GATA2: variants seen among roughly 807,000 people sequenced by gnomAD.
The protein encoded by GATA2 is GATA binding protein 2.
In GATA2, 6 loss-of-function variants were observed where a neutral mutation model predicts 35.7. That is an observed-to-expected ratio of 0.17 (90% CI 0.09 to 0.33). GATA2 has a LOEUF of 0.33. Among genes scored for constraint, GATA2 ranks in the 10% least tolerant of loss-of-function variants. GATA2 has a pLI of 1.00. For missense variants in GATA2, 541 were observed against 656.6 expected (o/e 0.82, Z 1.92); for synonymous variants, 313 against 274.9 (o/e 1.14, Z -1.37).
chr3:128,492,166 G>T (rs1255846070), intron 1 of GATA2: 2 of 152,212 alleles, frequency 1.3e-5, no homozygotes, highest in African/African-American at 4.8e-5. Flanking sequence ...CGCCACACAC[G>T]GGGTCCCTGA....
intron 1 of GATA2, among the ~76,000 whole-genome samples, chr3:128,492,693 G>A (rs1348366638): frequency 6.6e-6 from 1 of 152,230 alleles, no homozygotes; most frequent in Non-Finnish European, 1.5e-5. Flanking sequence ...CAAGAGGCCC[G>A]AGGCGGGCCT....
At position 128,491,208 on chromosome 3, in the gene GATA2, G is replaced by GC. The variant is rs373070119; in HGVS notation, c.-46+1690dup. ...ATGCCCAGGTCTCCCCGGCCGTCCA[G>GC]CCCCCCCCCCCCTCTGAGCCCTTTG... On this transcript the variant is annotated intron_variant, in intron 1 of 5. Coordinates refer to ENST00000341105, the MANE Select transcript of GATA2 (RefSeq NM_032638.5). Among the ~76,000 whole-genome samples, 497 of 107,124 alleles carry GC rather than the reference G, an allele frequency of 4.6e-3. 24 individuals are homozygous for GC. Among genetic ancestry groups the GC allele is most frequent in the African/African-American group, 0.011 (255 of 24,134 alleles). 70.3% of individuals were successfully genotyped at this position (107,124 alleles called of 152,430 possible). A position where few individuals can be genotyped will look rare whatever the true frequency, so the allele number is the denominator to read the frequency against.
chr3:128,486,510 C>T (rs781000258), intron 2 of GATA2, 142 bp from the exon 3 acceptor site: 4 of 1,059,406 alleles, frequency 3.8e-6, no homozygotes, highest in East Asian at 2.6e-5. Flanking sequence ...AACATAATAC[C>T]CCACCGGTAA....
chr3:128,490,369 G>A (rs1247304593), intron 1 of GATA2: 1 of 152,304 alleles, frequency 6.6e-6, no homozygotes, highest in African/African-American at 2.4e-5. Flanking sequence ...GCTTGAGCAG[G>A]GGCCTCGGGA....
rs904255961 is a variant in GATA2, at chr3:128,480,202, G to A, written c.*817C>T. 1.7e-5 allele frequency: 4 copies of A among 233,136 alleles called. No individual in the cohort carries two copies. The highest frequency in any genetic ancestry group is 6.6e-5 in the African/African-American group (3 of 45,308). The allele number at this position is 233,136 out of a possible 1,614,324, so 14.4% of individuals were successfully genotyped here. A position where few individuals can be genotyped will look rare whatever the true frequency, so the allele number is the denominator to read the frequency against. The stretch of plus-strand genomic sequence containing the variant: ...TTTTGTCTCAGAGTAGGAGGCGAGG[G>A]GGTTGAAGGGTTAGCAGAAAAAGGA... On this transcript the variant is annotated 3_prime_UTR_variant, in exon 6 of 6. Coordinates refer to ENST00000341105, the MANE Select transcript of GATA2 (RefSeq NM_032638.5).
intron 4 of GATA2, 51 bp from the exon 5 acceptor site, chr3:128,481,995 C>A (rs763998854): frequency 2.5e-6 from 4 of 1,604,942 alleles, no homozygotes; most frequent in East Asian, 2.2e-5. Flanking sequence ...CCCACCTCGA[C>A]CCCCCTCCCT....
chr3:128,481,951 G>C lies in GATA2; in HGVS notation c.1018-7C>G. The C allele has an allele frequency of 1.2e-6, 2 of 1,612,928 alleles. No individual in the cohort carries two copies. Among genetic ancestry groups the C allele is most frequent in the South Asian group, 2.2e-5 (2 of 91,078 alleles). ...CGGCTCTTCTGGCGGCCGACTGGGA[G>C]GGCAAGGCAGCGTCAGCAGGCTGGA... On this transcript the variant is annotated splice_region_variant and splice_polypyrimidine_tract_variant and intron_variant, in intron 4 of 5. Transcript: ENST00000341105.
At chr3:128,482,064 G>T in intron 4 of GATA2, 120 bp from the exon 5 acceptor site, 2 of 1,253,616 alleles carry the variant, frequency 1.6e-6, no homozygotes, top group Non-Finnish European at 2.2e-6. Context: ...AATCTCACAT[G>T]GGAATCAAAG....
intron 2 of GATA2, 127 bp downstream of exon 2, chr3:128,486,675 CG>C: frequency 9.7e-7 from 1 of 1,034,592 alleles, no homozygotes; most frequent in Non-Finnish European, 1.4e-6. Context: ...CCACCTCTCC[CG>C]CCCCAATTTT....
intron 5 of GATA2, 40 bp downstream of exon 5, chr3:128,481,779 C>T (rs918388129): frequency 1.5e-5 from 24 of 1,601,792 alleles, no homozygotes; most frequent in Non-Finnish European, 1.9e-5. Flanking sequence ...CGCAGAGGTC[C>T]CCTGGGAGGG....
Position 128,480,982 on chromosome 3 carries a change from T to A in GATA2, c.*37A>T. On this transcript the variant is annotated 3_prime_UTR_variant, in exon 6 of 6. Transcript: ENST00000341105. Reference sequence around the variant, plus strand: ...GGCTGCTAAGGGTTTGGTCCACCCATCCCGGGAGTGCCCGGTCCTCGACGT... The same window carrying A: ...GGCTGCTAAGGGTTTGGTCCACCCAACCCGGGAGTGCCCGGTCCTCGACGT... 2 of 1,513,092 alleles carry A rather than the reference T, an allele frequency of 1.3e-6. No individual in the cohort carries two copies. The highest frequency in any genetic ancestry group is 1.8e-6 in the Non-Finnish European group (2 of 1,129,086). The allele number at this position is 1,513,092 out of a possible 1,614,324, so 93.7% of individuals were successfully genotyped here. A position where few individuals can be genotyped will look rare whatever the true frequency, so the allele number is the denominator to read the frequency against.
intron 1 of GATA2, 55 bp from the exon 2 acceptor site, chr3:128,487,131 T>C: frequency 1.0e-6 from 1 of 1,001,724 alleles, no homozygotes; most frequent in East Asian, 2.7e-5. Context: ...CCCCCCAAAG[T>C]CCCACCACGA....
Position 128,481,253 on chromosome 3 carries a change from C to T in GATA2, c.1209G>A (p.Lys403=), listed in dbSNP as rs2068624570. 6.2e-7 allele frequency: 1 copy of T among 1,614,234 alleles called. No individual in the cohort carries two copies. The highest frequency in any genetic ancestry group is 2.2e-5 in the East Asian group (1 of 44,882). Residue 403 remains lysine (K), a synonymous_variant, in exon 6 of 6, where the codon AAG becomes AAA. Transcript: ENST00000341105. The stretch of plus-strand genomic sequence containing the variant: ...CCGCCCCTTTCTTGCTCTTCTTGGA[C>T]TTGTTGGACATCTTCCGGTTCCGAG... ...IQTRNRKMSN[K]SKKSKKGAEC... is the part of the protein sequence containing the mutation.
chr3:128,484,636 G>C lies in GATA2; in HGVS notation c.872-631C>G, dbSNP rs534491855. Among the ~76,000 whole-genome samples the C allele has an allele frequency of 8.5e-4, 121 of 142,000 alleles. 1 individual carries two copies. Among genetic ancestry groups the C allele is most frequent in the Middle Eastern group, 7.4e-3 (2 of 272 alleles). 93.2% of individuals were successfully genotyped at this position (142,000 alleles called of 152,430 possible). On this transcript the variant is annotated intron_variant, in intron 3 of 5. Coordinates refer to ENST00000341105, the MANE Select transcript of GATA2 (RefSeq NM_032638.5). ...TTTCTTTTTTAGATAAGTGGCCTGGGTTTTTTTTGTTTGTATTTTTTTTTT... is the reference window on the plus strand; with the variant it reads ...TTTCTTTTTTAGATAAGTGGCCTGGCTTTTTTTTGTTTGTATTTTTTTTTT...
At chr3:128,487,151 C>A (rs2068714414) in intron 1 of GATA2, 75 bp from the exon 2 acceptor site, 1 of 794,440 alleles carries the variant, frequency 1.3e-6, no homozygotes, top group East Asian at 2.8e-5. Context: ...AGGTGTCCCG[C>A]ACGCCACGGA....
At position 128,483,989 on chromosome 3, in the gene GATA2, G is replaced by A. The variant is rs574218913; in HGVS notation, c.888C>T (p.Val296=). The change falls in exon 4 of 6, where the codon GTC becomes GTT. Residue 296 remains valine, a synonymous_variant. Coordinates refer to ENST00000341105, the MANE Select transcript of GATA2 (RefSeq NM_032638.5). ...ARSCSEGREC[V]NCGATATPLW... ...GAGGGGTGGCTGTGGCCCCACAGTT[G>A]ACACACTCCCGGCCTTCTGCAGGGG... 21 of 1,613,812 alleles carry A rather than the reference G, an allele frequency of 1.3e-5. No individual in the cohort carries two copies. In the Admixed American group the frequency reaches 3.5e-4, roughly 27 times the overall value.
In GATA2 at chr3:128,483,787, G is replaced by GT. The variant is rs974134540; in HGVS notation, c.1017+72dup. The GT allele has an allele frequency of 3.1e-6, 5 of 1,600,150 alleles. No individual in the cohort carries two copies. In the African/African-American group the frequency reaches 4.0e-5, roughly 13 times the overall value. ...CGGCAAAGCGTCTGCATTTGAAGGA[G>GT]TTTTTTTCCCCTGTAATTAACCGCC... On this transcript the variant is annotated intron_variant, in intron 4 of 5. Transcript: ENST00000341105.
intron 4 of GATA2, among the ~76,000 whole-genome samples, chr3:128,482,918 G>A (rs62270944): frequency 1.3e-5 from 2 of 152,260 alleles, no homozygotes; most frequent in African/African-American, 4.8e-5. Flanking sequence ...GGGGCTGGGG[G>A]CTGAGGCCTG....
intron 4 of GATA2, among the ~76,000 whole-genome samples, chr3:128,482,874 C>A (rs1330886640): frequency 6.6e-6 from 1 of 152,260 alleles, no homozygotes. Context: ...TCCCAGAGAA[C>A]TGCAGGCGGG....
Sources: gnomAD v4.1 joint callset for allele counts (sites outside exome capture counted in the v4.1 genomes callset) on GRCh38, gnomAD v4.1.1 for gene constraint, MANE v1.5 for transcripts, NCBI Gene and HGNC (gene_info 2026-07-23, HGNC 2026-07-21) for gene names.